Variants in BAZ2B observed in about 807,000 individuals in gnomAD.
The protein encoded by BAZ2B is bromodomain adjacent to zinc finger domain 2B.
A neutral mutation model predicts 246.0 loss-of-function variants in BAZ2B; 91 were observed. That is an observed-to-expected ratio of 0.37 (90% CI 0.31 to 0.44). BAZ2B has a LOEUF of 0.44. Ranked by LOEUF, BAZ2B falls within the 20% of genes least tolerant of loss-of-function variation. The pLI is 1.00. For missense variants in BAZ2B, 2,332 were observed against 2,533.7 expected (o/e 0.92, Z 1.71); for synonymous variants, 855 against 860.0 (o/e 0.99, Z 0.10).
intron 1 of BAZ2B, among the ~76,000 whole-genome samples, chr2:159,560,109 AT>A (rs1399723984): frequency 6.6e-6 from 1 of 152,156 alleles, no homozygotes; most frequent in Non-Finnish European, 1.5e-5. Context: ...TATGTACTCA[AT>A]TTTAACATAC....
intron 1 of BAZ2B, among the ~76,000 whole-genome samples, chr2:159,605,950 A>G (rs1364664256): frequency 2.6e-5 from 4 of 152,212 alleles, no homozygotes; most frequent in African/African-American, 7.2e-5. Context: ...CTAACTGTCT[A>G]AAGTTATTAC....
intron 11 of BAZ2B, 30 bp from the exon 12 acceptor site, chr2:159,428,449 ATACT>A (rs933073669): frequency 2.1e-5 from 31 of 1,508,314 alleles, no homozygotes; most frequent in Non-Finnish European, 2.8e-5. Context: ...AGGTTATGAC[ATACT>A]TAATTTCAAG....
intron 27 of BAZ2B, among the ~76,000 whole-genome samples, chr2:159,366,593 T>C (rs1343870749): frequency 6.6e-6 from 1 of 152,246 alleles, no homozygotes; most frequent in Non-Finnish European, 1.5e-5. Flanking sequence ...CCTACGAAGC[T>C]GAGGATATGA....
At chr2:159,590,223 A>C (rs1180591063) in intron 1 of BAZ2B, among the ~76,000 whole-genome samples, 2 of 96,668 alleles carry the variant, frequency 2.1e-5, no homozygotes, top group Non-Finnish European at 2.3e-5. Flanking sequence ...AAAAAAAAAA[A>C]AAAAAAAACA....
At chr2:159,435,944 G>A (rs1439186814) in intron 8 of BAZ2B, among the ~76,000 whole-genome samples, 4 of 152,104 alleles carry the variant, frequency 2.6e-5, no homozygotes, top group Non-Finnish European at 5.9e-5. Context: ...TTGTACCTAA[G>A]GCAATACCTT....
chr2:159,562,874 C>CT (rs938892385), intron 1 of BAZ2B, among the ~76,000 whole-genome samples: 1 of 151,958 alleles, frequency 6.6e-6, no homozygotes, highest in Non-Finnish European at 1.5e-5. Context: ...CGCAAGATTG[C>CT]TTTTTTTAAA....
chr2:159,382,157 T>C (rs2062063261), intron 25 of BAZ2B, among the ~76,000 whole-genome samples: 2 of 152,188 alleles, frequency 1.3e-5, no homozygotes, highest in Admixed American at 1.3e-4. Context: ...GAAATAGTAA[T>C]TGGTGTTTGA....
chr2:159,436,420 G>A (rs960192273), intron 8 of BAZ2B, among the ~76,000 whole-genome samples: 1 of 152,130 alleles, frequency 6.6e-6, no homozygotes, highest in African/African-American at 2.4e-5. Context: ...AGAAAATTGA[G>A]ACCTGTATAG....
chr2:159,565,260 T>C (rs2090267045), intron 1 of BAZ2B, among the ~76,000 whole-genome samples: 1 of 151,808 alleles, frequency 6.6e-6, no homozygotes, highest in Non-Finnish European at 1.5e-5. Flanking sequence ...GAAGAGAAAG[T>C]GAGATGAGGA....
intron 13 of BAZ2B, among the ~76,000 whole-genome samples, chr2:159,424,343 G>A (rs1266348827): frequency 6.6e-6 from 1 of 152,002 alleles, no homozygotes; most frequent in Non-Finnish European, 1.5e-5. Flanking sequence ...TACTTCTTTA[G>A]TATTTAATGT....
At chr2:159,604,045 A>G (rs1328276506) in intron 1 of BAZ2B, among the ~76,000 whole-genome samples, 2 of 150,114 alleles carry the variant, frequency 1.3e-5, no homozygotes, top group African/African-American at 4.9e-5. Context: ...AAAAACTTTT[A>G]TTAATATTTT....
chr2:159,484,405 G>A (rs956489341), intron 2 of BAZ2B, among the ~76,000 whole-genome samples: 1 of 152,078 alleles, frequency 6.6e-6, no homozygotes, highest in Non-Finnish European at 1.5e-5. Context: ...TTATCCAAAT[G>A]TTTAAACACT....
chr2:159,451,013 T>C (rs2075020166), intron 4 of BAZ2B, among the ~76,000 whole-genome samples: 1 of 152,140 alleles, frequency 6.6e-6, no homozygotes, highest in African/African-American at 2.4e-5. Context: ...CGAGGCACCA[T>C]GGCCAGCCAA....
At chr2:159,359,040 TA>T in intron 27 of BAZ2B, among the ~76,000 whole-genome samples, 1 of 151,900 alleles carries the variant, frequency 6.6e-6, no homozygotes, top group East Asian at 1.9e-4. Flanking sequence ...ACATCACAAT[TA>T]AAAGAACTGA....
At chr2:159,678,880 G>A in the BAZ2B span, among the ~76,000 whole-genome samples, 1 of 152,116 alleles carries the variant, frequency 6.6e-6, no homozygotes, top group Non-Finnish European at 1.5e-5. Context: ...TAACAATATA[G>A]GTTTGTCTTG....
At chr2:159,409,050 T>G (rs2066407358) in intron 14 of BAZ2B, among the ~76,000 whole-genome samples, 1 of 152,128 alleles carries the variant, frequency 6.6e-6, no homozygotes. Flanking sequence ...TTTATTTGTT[T>G]TTTTTTTGGT....
At chr2:159,576,995 G>T (rs1256527869) in intron 1 of BAZ2B, among the ~76,000 whole-genome samples, 2 of 151,418 alleles carry the variant, frequency 1.3e-5, no homozygotes, top group Non-Finnish European at 2.9e-5. Context: ...GGAGAACAAG[G>T]TTGGAAGACT....
chr2:159,620,017 T>C (rs977461526), upstream of BAZ2B, among the ~76,000 whole-genome samples: 1 of 152,228 alleles, frequency 6.6e-6, no homozygotes, highest in Non-Finnish European at 1.5e-5. Context: ...TCTATACCTA[T>C]TTACCTATCC....
At chr2:159,447,378 G>A (rs1344502120) in intron 5 of BAZ2B, among the ~76,000 whole-genome samples, 2 of 152,276 alleles carry the variant, frequency 1.3e-5, no homozygotes, top group Non-Finnish European at 2.9e-5. Flanking sequence ...AAAATGTTTA[G>A]AAAGATAATG....
Sources: gnomAD v4.1 joint callset for allele counts (sites outside exome capture counted in the v4.1 genomes callset) on GRCh38, gnomAD v4.1.1 for gene constraint, MANE v1.5 for transcripts, NCBI Gene and HGNC (gene_info 2026-07-23, HGNC 2026-07-21) for gene names.